ATP8A1: variants seen among roughly 807,000 people sequenced by gnomAD.
ATP8A1 encodes phospholipid-transporting ATPase IA.
Under a neutral mutation model 177.7 loss-of-function variants are expected in ATP8A1, and 90 were observed. The ratio of observed to expected loss-of-function variants is 0.51; its 90% confidence interval spans 0.43 to 0.60. ATP8A1 has a LOEUF of 0.60. ATP8A1 is among the 20% of genes least tolerant of loss of function. The pLI is 0.00. For synonymous variants in ATP8A1, 493 were observed against 485.9 expected (o/e 1.01, Z -0.19); for missense variants, 1,072 against 1,392.8 (o/e 0.77, Z 3.67).
In ATP8A1 at chr4:42,624,642, G is replaced by T; in HGVS notation, c.265-8C>A. ...TGACACATCAGGTATTTGCTGTTTGGAAAAAAAAAAAAAAGAGAAATCCAA... is the reference window on the plus strand; with the variant it reads ...TGACACATCAGGTATTTGCTGTTTGTAAAAAAAAAAAAAAGAGAAATCCAA... On this transcript the variant is annotated splice_region_variant and splice_polypyrimidine_tract_variant and intron_variant, in intron 3 of 36. Transcript: ENST00000381668. 1.0e-6 allele frequency: 1 copy of T among 969,038 alleles called. No homozygotes were observed. Among genetic ancestry groups the T allele is most frequent in the South Asian group, 2.8e-5 (1 of 35,642 alleles). 60.0% of individuals were successfully genotyped at this position (969,038 alleles called of 1,614,324 possible).
chr4:42,587,230 T>C (rs1049766697), intron 8 of ATP8A1, among the ~76,000 whole-genome samples: 1 of 152,110 alleles, frequency 6.6e-6, no homozygotes, highest in Admixed American at 6.5e-5. Context: ...AAAACTTTAA[T>C]TTTAGGTTCA....
chr4:42,635,053 T>C (rs550280260), intron 1 of ATP8A1, among the ~76,000 whole-genome samples: 8 of 152,350 alleles, frequency 5.3e-5, no homozygotes, highest in Non-Finnish European at 1.0e-4. Context: ...ATGTAGGTAT[T>C]AACATTTACT....
In ATP8A1 at chr4:42,588,125, CCT is replaced by C. The variant is rs1415020597; in HGVS notation, c.594+133_594+134del. The C allele has an allele frequency of 4.9e-6, 3 of 615,156 alleles. No homozygotes were observed. In the African/African-American group the frequency reaches 5.6e-5, roughly 12 times the overall value. 38.1% of individuals were successfully genotyped at this position (615,156 alleles called of 1,614,324 possible). ...TACTTAACAATACCAGTTTATAAAA[CCT>C]CTTTGTTGTGGTTCCATGGGAACAT... On this transcript the variant is annotated intron_variant, in intron 8 of 36. Coordinates refer to ENST00000381668, the MANE Select transcript of ATP8A1 (RefSeq NM_006095.2).
chr4:42,555,978 T>G lies in ATP8A1; in HGVS notation c.1403A>C (p.Gln468Pro), dbSNP rs1250043941. 6.2e-7 allele frequency: 1 copy of G among 1,607,456 alleles called. No homozygotes were observed. Among genetic ancestry groups the G allele is most frequent in the Non-Finnish European group, 8.5e-7 (1 of 1,175,558 alleles). The change falls in exon 16 of 37, where the codon CAA (glutamine) becomes CCA (proline). Residue 468 changes from glutamine (Q) to proline (P), a missense_variant. This residue lies in a region of ATP8A1 where 388 missense variants were observed against 471.7 expected (regional missense o/e 0.82). Transcript: ENST00000381668. ...FSDSSLLENL[Q>P]NNHPTAPIIC... ...TTTTATGTAACTTACATGATTATTT[T>G]GGAGATTTTCCAGCAATGATGAATC... is the stretch of plus-strand genomic sequence containing the variant.
intron 10 of ATP8A1, among the ~76,000 whole-genome samples, chr4:42,580,848 A>C (rs1272480974): frequency 6.6e-6 from 1 of 152,214 alleles, no homozygotes; most frequent in East Asian, 1.9e-4. Context: ...GCAAGAATTA[A>C]AGCTGATGGC....
chr4:42,508,195 C>T (rs143898067), intron 22 of ATP8A1, among the ~76,000 whole-genome samples: 19 of 152,224 alleles, frequency 1.2e-4, no homozygotes, highest in African/African-American at 3.6e-4. Flanking sequence ...TACAGTGGTG[C>T]CATCTTGGCT....
intron 19 of ATP8A1, 67 bp downstream of exon 19, chr4:42,548,946 A>G: frequency 1.5e-6 from 2 of 1,302,084 alleles, no homozygotes; most frequent in Non-Finnish European, 2.2e-6. Flanking sequence ...TAGTTATTCA[A>G]AAGGGAAAAA....
At position 42,423,636 on chromosome 4, in the gene ATP8A1, G is replaced by A; in HGVS notation, c.3193C>T (p.Leu1065Phe). 1 of 1,611,784 alleles carries A rather than the reference G, an allele frequency of 6.2e-7. No individual in the cohort carries two copies. Among genetic ancestry groups the A allele is most frequent in the Non-Finnish European group, 8.5e-7 (1 of 1,178,758 alleles). ...LLFIPVASLL[L>F]DVVYKVIKRT... ...ACTTACACCTTGTACACCACATCAA[G>A]GAGCAGAGATGCCACAGGGATGAAT... Residue 1065 changes from leucine (L) to phenylalanine (F), a missense_variant, in exon 34 of 37, where the codon CTT (leucine) becomes TTT (phenylalanine). Around this residue, in one of 5 missense-constraint regions of ATP8A1, gnomAD observed 316 missense variants for 459.1 expected, o/e 0.69. Transcript: ENST00000381668.
At chr4:42,427,558 G>T (rs1285368570) in intron 33 of ATP8A1, among the ~76,000 whole-genome samples, 4 of 152,218 alleles carry the variant, frequency 2.6e-5, no homozygotes, top group African/African-American at 4.8e-5. Context: ...CTAGCCTTTG[G>T]AAAAGGTATT....
chr4:42,603,707 C>G (rs977970620), intron 5 of ATP8A1, among the ~76,000 whole-genome samples: 3 of 152,130 alleles, frequency 2.0e-5, no homozygotes, highest in African/African-American at 4.8e-5. Context: ...AAAATCTTCT[C>G]CACCATCACC....
In ATP8A1 at chr4:42,552,548, TG is replaced by T; in HGVS notation, c.1475del (p.Pro492GlnfsTer27). ...TMMAVCHTAVPEREGDKIIYQ... is the reference protein window; with the variant it reads ...TMMAVCHTAVXEREGDKIIYQ... ...AAATAATCTTGTCACCTTCTCGCTC[TG>T]GCACTGCTGTGTGACAGACTGCCAT... On this transcript the variant is annotated frameshift_variant, in exon 17 of 37. Transcript: ENST00000381668. LOFTEE classifies it high-confidence loss of function. 6.2e-7 allele frequency: 1 copy of T among 1,613,734 alleles called. No homozygotes were observed. Among genetic ancestry groups the T allele is most frequent in the South Asian group, 1.1e-5 (1 of 90,992 alleles).
chr4:42,419,742 G>A (rs1356299071), intron 35 of ATP8A1, among the ~76,000 whole-genome samples: 2 of 152,196 alleles, frequency 1.3e-5, no homozygotes, highest in Admixed American at 6.5e-5. Flanking sequence ...AGTGGCCCAC[G>A]CCTGTAATCC....
intron 11 of ATP8A1, 143 bp downstream of exon 11, chr4:42,579,670 A>T: frequency 1.3e-6 from 1 of 785,598 alleles, no homozygotes; most frequent in Non-Finnish European, 2.0e-6. Flanking sequence ...TAGAAATCTC[A>T]CTGAAAAATA....
chr4:42,581,780 T>TA lies in ATP8A1; in HGVS notation c.723-49dup, dbSNP rs1560484526. The stretch of plus-strand genomic sequence containing the variant: ...TAGAAACAGTATTTTCTAAAATGCT[T>TA]AAGAACTCTAGTTACCATATAGTTA... On this transcript the variant is annotated intron_variant, in intron 9 of 36. Coordinates refer to ENST00000381668, the MANE Select transcript of ATP8A1 (RefSeq NM_006095.2). 6.5e-6 allele frequency: 9 copies of TA among 1,375,328 alleles called. No homozygotes were observed. The Admixed American group carries it at 1.6e-4, about 24-fold the overall frequency. 85.2% of individuals were successfully genotyped at this position (1,375,328 alleles called of 1,614,324 possible). A position where few individuals can be genotyped will look rare whatever the true frequency, so the allele number is the denominator to read the frequency against.
At chr4:42,433,659 AACAC>A (rs895754087) in intron 33 of ATP8A1, among the ~76,000 whole-genome samples, 3 of 151,622 alleles carry the variant, frequency 2.0e-5, no homozygotes, top group African/African-American at 7.3e-5. Flanking sequence ...CAAACAAACA[AACAC>A]AAATCTTAGA....
chr4:42,441,064 C>T (rs573571860), intron 33 of ATP8A1, among the ~76,000 whole-genome samples: 2 of 152,272 alleles, frequency 1.3e-5, no homozygotes, highest in Non-Finnish European at 2.9e-5. Flanking sequence ...ATCAGGAATC[C>T]TGCAGAACGG....
intron 32 of ATP8A1, 82 bp from the exon 33 acceptor site, chr4:42,443,754 T>C: frequency 1.5e-6 from 1 of 675,352 alleles, no homozygotes; most frequent in Non-Finnish European, 2.7e-6. Context: ...TCAAATTCCC[T>C]TATTAACTTT....
intron 24 of ATP8A1, among the ~76,000 whole-genome samples, chr4:42,489,170 T>G (rs1019917914): frequency 2.6e-5 from 4 of 152,200 alleles, no homozygotes; most frequent in Non-Finnish European, 5.9e-5. Flanking sequence ...TTTAAGCTAT[T>G]GCCCAAGTGA....
At chr4:42,440,815 A>G (rs1352903421) in intron 33 of ATP8A1, among the ~76,000 whole-genome samples, 2 of 152,164 alleles carry the variant, frequency 1.3e-5, no homozygotes, top group African/African-American at 4.8e-5. Context: ...CTGAACCAGC[A>G]CAGAGCAGAA....
Sources: allele counts gnomAD v4.1 joint callset (sites outside exome capture counted in the v4.1 genomes callset), GRCh38; gene constraint gnomAD v4.1.1; regional missense constraint gnomAD v4.1.1; transcripts MANE v1.5; gene names NCBI Gene and HGNC (gene_info 2026-07-23, HGNC 2026-07-21).